NVL: variants seen among roughly 807,000 people sequenced by gnomAD.
NVL encodes nuclear valosin-containing protein-like.
NVL carries 84 observed loss-of-function variants against 110.2 expected under a neutral mutation model. The ratio of observed to expected loss-of-function variants is 0.76; its 90% confidence interval spans 0.64 to 0.91. The LOEUF is 0.91. Among genes scored for constraint, NVL ranks in the 40% least tolerant of loss-of-function variants. The pLI is 0.00. For synonymous variants in NVL, 354 were observed against 361.1 expected, an observed-to-expected ratio of 0.98 and a Z score of 0.22; for missense variants, 882 against 1,035.9, an observed-to-expected ratio of 0.85 and a Z score of 2.04.
chr1:224,286,162 A>C, intron 14 of NVL, 32 bp from the exon 15 acceptor site: 1 of 1,506,162 alleles, frequency 6.6e-7, no homozygotes, highest in Non-Finnish European at 9.2e-7. Flanking sequence ...GCGATCCATT[A>C]CATGTCCATT....
At chr1:224,251,859 G>C (rs1253927708) in intron 18 of NVL, among the ~76,000 whole-genome samples, 1 of 152,016 alleles carries the variant, frequency 6.6e-6, no homozygotes, top group African/African-American at 2.4e-5. Context: ...CCTCAGTAAA[G>C]GCAAAATGTG....
chr1:224,256,028 A>G (rs1325281270), intron 18 of NVL, among the ~76,000 whole-genome samples: 3 of 152,180 alleles, frequency 2.0e-5, no homozygotes, highest in Non-Finnish European at 1.5e-5. Context: ...TCAACTATCT[A>G]GATATGCATA....
intron 15 of NVL, among the ~76,000 whole-genome samples, chr1:224,282,223 G>A (rs1277464411): frequency 6.6e-6 from 1 of 151,866 alleles, no homozygotes; most frequent in Non-Finnish European, 1.5e-5. Flanking sequence ...ATGCCACCAC[G>A]CTCAGCTAAT....
chr1:224,314,968 G>A (rs1424173089), intron 4 of NVL, among the ~76,000 whole-genome samples: 1 of 151,960 alleles, frequency 6.6e-6, no homozygotes, highest in African/African-American at 2.4e-5. Flanking sequence ...CTGAGATCAC[G>A]CTATTGCACT....
intron 18 of NVL, among the ~76,000 whole-genome samples, chr1:224,260,855 G>A (rs1032667968): frequency 1.3e-5 from 2 of 150,602 alleles, no homozygotes; most frequent in African/African-American, 4.9e-5. Context: ...GTACACACCA[G>A]TGCATCTGGC....
At chr1:224,308,485 G>A (rs1451243721) in intron 5 of NVL, among the ~76,000 whole-genome samples, 2 of 151,672 alleles carry the variant, frequency 1.3e-5, no homozygotes, top group Non-Finnish European at 2.9e-5. Flanking sequence ...GAGGTCAGGA[G>A]TTCAAGACCA....
intron 18 of NVL, among the ~76,000 whole-genome samples, chr1:224,264,966 C>T (rs1038121532): frequency 6.6e-6 from 1 of 151,908 alleles, no homozygotes; most frequent in Admixed American, 6.6e-5. Flanking sequence ...CTGATGGTCT[C>T]GATCTTCTAA....
chr1:224,275,213 C>G, intron 17 of NVL, 126 bp downstream of exon 17: 1 of 1,057,262 alleles, frequency 9.5e-7, no homozygotes, highest in Non-Finnish European at 1.4e-6. Context: ...TTTCAAATTA[C>G]TAAGTGTCTT....
At chr1:224,320,749 C>T (rs1249242321) in intron 2 of NVL, among the ~76,000 whole-genome samples, 8 of 152,136 alleles carry the variant, frequency 5.3e-5, no homozygotes. Flanking sequence ...CTCCTGGTCT[C>T]ATGCAATCCT....
At chr1:224,245,012 G>A (rs1302146706) in intron 19 of NVL, among the ~76,000 whole-genome samples, 3 of 152,038 alleles carry the variant, frequency 2.0e-5, no homozygotes, top group Non-Finnish European at 4.4e-5. Flanking sequence ...ACAAAACTTA[G>A]ATCCCAAAAG....
At position 224,256,969 on chromosome 1, in the gene NVL, T is replaced by C. The variant is rs193100440; in HGVS notation, c.2183-6651A>G. 594 of 476,228 alleles carry C rather than the reference T, an allele frequency of 1.2e-3. 4 individuals carry two copies. Among genetic ancestry groups the C allele is most frequent in the African/African-American group, 9.9e-3 (498 of 50,224 alleles). The allele number at this position is 476,228 out of a possible 1,614,324, so 29.5% of individuals were successfully genotyped here. ...TCACCCGGCTCAAACCACCACCACC[T>C]TGCACCTGCATTATTCTTACAGCTT... On this transcript the variant is annotated intron_variant, in intron 18 of 22. Transcript: ENST00000281701.
chr1:224,290,883 T>C (rs1196894276), intron 12 of NVL, among the ~76,000 whole-genome samples: 2 of 151,218 alleles, frequency 1.3e-5, no homozygotes, highest in Admixed American at 6.6e-5. Context: ...GGAAGGAGAA[T>C]TGCTTGAACC....
chr1:224,289,551 A>T lies in NVL; in HGVS notation c.1508T>A (p.Met503Lys). 2 of 1,614,184 alleles carry T rather than the reference A, an allele frequency of 1.2e-6. No homozygotes were observed. The highest frequency in any genetic ancestry group is 1.7e-6 in the Non-Finnish European group (2 of 1,180,032). Reference protein sequence around the residue: ...LQEQQKKNPEMEDLPSKGVQE... With the variant: ...LQEQQKKNPEKEDLPSKGVQE... Reference sequence around the variant, plus strand: ...GACTCCTTTAGATGGCAAATCTTCCATTTCAGGATTTTTCTTCTGCTGTTC... The same window carrying T: ...GACTCCTTTAGATGGCAAATCTTCCTTTTCAGGATTTTTCTTCTGCTGTTC... Residue 503 changes from methionine (M) to lysine (K), a missense_variant, in exon 13 of 23, where the codon ATG (methionine) becomes AAG (lysine). Physicochemically the swap from Met to Lys is moderately conservative, Grantham distance 95. Around this residue, in one of 4 missense-constraint regions of NVL, gnomAD observed 416 missense variants for 499.3 expected, o/e 0.83. Transcript: ENST00000281701.
At position 224,303,793 on chromosome 1, in the gene NVL, G is replaced by T. The variant is rs776427245; in HGVS notation, c.890C>A (p.Pro297His). The change falls in exon 9 of 23, where the codon CCC becomes CAC. Residue 297 changes from proline (P) to histidine (H), a missense_variant. Coordinates refer to ENST00000281701, the MANE Select transcript of NVL (RefSeq NM_002533.4). ...TCCATGAAGGAGAACTCCACGAGGG[G>T]GCACGACGCCCAGGTGGTGGTACAC... The part of the protein sequence containing the change: ...PEVYHHLGVV[P>H]PRGVLLHGPP... 6.2e-7 allele frequency: 1 copy of T among 1,613,410 alleles called. No homozygotes were observed. Among genetic ancestry groups the T allele is most frequent in the East Asian group, 2.2e-5 (1 of 44,830 alleles).
chr1:224,289,453 G>A (rs1318617934), intron 13 of NVL, 31 bp downstream of exon 13: 1 of 1,609,306 alleles, frequency 6.2e-7, no homozygotes. Context: ...AACATTAAAA[G>A]GACAATTTAA....
chr1:224,305,024 C>A lies in NVL; in HGVS notation c.748+10G>T. 2 of 1,612,118 alleles carry A rather than the reference C, an allele frequency of 1.2e-6. No individual in the cohort carries two copies. Among genetic ancestry groups the A allele is most frequent in the Non-Finnish European group, 1.7e-6 (2 of 1,179,384 alleles). On this transcript the variant is annotated intron_variant, in intron 7 of 22. Coordinates refer to ENST00000281701, the MANE Select transcript of NVL (RefSeq NM_002533.4). ...CATGACCACTGCCACCAACAAGACT[C>A]ACACCTTACCTTTCTTTTGCAGGAC...
intron 17 of NVL, among the ~76,000 whole-genome samples, chr1:224,275,119 A>G (rs1665625205): frequency 6.6e-6 from 1 of 152,194 alleles, no homozygotes; most frequent in African/African-American, 2.4e-5. Flanking sequence ...GATGACCTAA[A>G]GATTGTGCAA....
At chr1:224,326,702 A>T (rs896022601) in intron 1 of NVL, among the ~76,000 whole-genome samples, 1 of 152,212 alleles carries the variant, frequency 6.6e-6, no homozygotes, top group African/African-American at 2.4e-5. Flanking sequence ...GTTATAAGGC[A>T]GTAAGTGAGG....
At chr1:224,253,013 C>T (rs1662679204) in intron 18 of NVL, among the ~76,000 whole-genome samples, 1 of 151,890 alleles carries the variant, frequency 6.6e-6, no homozygotes, top group African/African-American at 2.4e-5. Flanking sequence ...CAAGTTGTTT[C>T]ATGTGTCAGT....
Sources: allele counts gnomAD v4.1 joint callset (sites outside exome capture counted in the v4.1 genomes callset), GRCh38; gene constraint gnomAD v4.1.1; regional missense constraint gnomAD v4.1.1; transcripts MANE v1.5; gene names NCBI Gene and HGNC (gene_info 2026-07-23, HGNC 2026-07-21).